Variants in COG6 observed in about 807,000 individuals in gnomAD.
COG6 encodes the protein component of oligomeric golgi complex 6.
Under a neutral mutation model 88.8 loss-of-function variants are expected in COG6, and 74 were observed. The ratio of observed to expected loss-of-function variants is 0.83; its 90% CI spans 0.69 to 1.01. COG6 has a LOEUF of 1.01. Among genes scored for constraint, COG6 ranks in the 50% least tolerant of loss-of-function variants. COG6 has a pLI of 0.00. For synonymous variants in COG6, 286 were observed against 278.7 expected (o/e 1.03, Z -0.26); for missense variants, 800 against 797.9 (o/e 1.00, Z -0.03).
At position 39,662,128 on chromosome 13, in the gene COG6, G is replaced by A. The variant is rs570881627; in HGVS notation, c.369+1247G>A. Among the ~76,000 whole-genome samples the A allele has an allele frequency of 1.7e-4, 23 of 136,798 alleles. 1 individual carries two copies. In the Admixed American group the frequency reaches 1.8e-3, roughly 11 times the overall value. 89.7% of individuals were successfully genotyped at this position (136,798 alleles called of 152,430 possible). ...AATTACAACCAAAGTGTCTCTTTCT[G>A]TTTTGTCCTTTGTATTTTTTTTTTT... On this transcript the variant is annotated intron_variant, in intron 3 of 18. Coordinates refer to ENST00000455146, the MANE Select transcript of COG6 (RefSeq NM_020751.3).
chr13:39,787,061 T>A (rs1314916272), intron 18 of COG6, among the ~76,000 whole-genome samples: 1 of 152,180 alleles, frequency 6.6e-6, no homozygotes, highest in African/African-American at 2.4e-5. Flanking sequence ...GTCTGCTGGT[T>A]CTCTGCCCAT....
At chr13:39,780,842 C>A (rs1881606667) in intron 18 of COG6, among the ~76,000 whole-genome samples, 1 of 152,178 alleles carries the variant, frequency 6.6e-6, no homozygotes, top group South Asian at 2.1e-4. Flanking sequence ...CAAAAATCTG[C>A]ACGAGGAAAG....
At chr13:39,726,934 G>A (rs1016716687) in intron 17 of COG6, among the ~76,000 whole-genome samples, 2 of 151,892 alleles carry the variant, frequency 1.3e-5, no homozygotes, top group East Asian at 1.9e-4. Context: ...TTCCTTAATA[G>A]CATTTAACAA....
At chr13:39,764,727 G>A (rs1317109905) in intron 18 of COG6, among the ~76,000 whole-genome samples, 1 of 151,996 alleles carries the variant, frequency 6.6e-6, no homozygotes, top group Non-Finnish European at 1.5e-5. Context: ...ACCAGAAAAT[G>A]TATTCCTAGT....
intron 18 of COG6, among the ~76,000 whole-genome samples, chr13:39,769,854 T>G (rs1451579347): frequency 6.6e-6 from 1 of 152,176 alleles, no homozygotes; most frequent in Non-Finnish European, 1.5e-5. Context: ...GTCCCATCTT[T>G]GAAGCAGAGA....
chr13:39,742,132 C>G (rs537199292), intron 18 of COG6, among the ~76,000 whole-genome samples: 1 of 152,292 alleles, frequency 6.6e-6, no homozygotes, highest in African/African-American at 2.4e-5. Flanking sequence ...ACAGCCGGTA[C>G]CAGCCACTGC....
chr13:39,655,961 C>A, intron 1 of COG6, 82 bp downstream of exon 1: 1 of 1,502,796 alleles, frequency 6.7e-7, no homozygotes, highest in South Asian at 1.2e-5. Context: ...AGGGACCCAC[C>A]GCGGTCTCCC....
Position 39,743,749 on chromosome 13 carries a change from G to T in COG6, c.1827-7197G>T, listed in dbSNP as rs952182739. ...AAAGAGGGAATCCTCCCTAACTCAT[G>T]TTATGAGGCCAGCATCATCCTGATA... On this transcript the variant is annotated intron_variant, in intron 18 of 18. Transcript: ENST00000455146. Among the ~76,000 whole-genome samples the T allele has an allele frequency of 7.2e-5, 11 of 152,042 alleles. No individual in the cohort carries two copies. In the South Asian group the frequency reaches 1.0e-3, roughly 14 times the overall value.
intron 8 of COG6, among the ~76,000 whole-genome samples, chr13:39,684,551 A>G (rs1319352613): frequency 1.3e-5 from 2 of 152,070 alleles, no homozygotes; most frequent in African/African-American, 4.8e-5. Flanking sequence ...CGCCTGGCCA[A>G]TTTGGAAGAT....
At chr13:39,744,573 G>A (rs929168346) in intron 18 of COG6, among the ~76,000 whole-genome samples, 2 of 152,120 alleles carry the variant, frequency 1.3e-5, no homozygotes, top group African/African-American at 4.8e-5. Flanking sequence ...TCTTCAAGGA[G>A]AACTACAAAC....
intron 10 of COG6, among the ~76,000 whole-genome samples, chr13:39,689,347 T>C (rs74044144): frequency 0.026 from 3,907 of 152,238 alleles, 181 homozygotes; most frequent in African/African-American, 0.089. Context: ...ATATTTTTCA[T>C]CTTTATACCC....
intron 18 of COG6, among the ~76,000 whole-genome samples, chr13:39,782,588 T>C (rs1329814117): frequency 6.6e-6 from 1 of 152,156 alleles, no homozygotes; most frequent in African/African-American, 2.4e-5. Context: ...CAATCTCTCC[T>C]CATTTTCATC....
At chr13:39,663,347 C>T (rs541686671) in intron 3 of COG6, among the ~76,000 whole-genome samples, 12 of 152,140 alleles carry the variant, frequency 7.9e-5, no homozygotes, top group Non-Finnish European at 1.2e-4. Context: ...CCCTCAATAA[C>T]GACTAGCCTA....
rs5803006 is a variant in COG6 at position 39,694,955 on chromosome 13, GCACACA to G, written c.1166+260_1166+265del. ...CTTTTTTCTCCAAGCTTAACTACAC[GCACACA>G]CACACACACACACACACACACACAC... On this transcript the variant is annotated intron_variant, in intron 12 of 18. Coordinates refer to ENST00000455146, the MANE Select transcript of COG6 (RefSeq NM_020751.3). Among the ~76,000 whole-genome samples, 3,996 of 142,612 alleles carry G rather than the reference GCACACA, an allele frequency of 0.028. 55 individuals are homozygous for G. The highest frequency in any genetic ancestry group is 0.042 in the African/African-American group (1,621 of 38,506). The allele number at this position is 142,612 out of a possible 152,430, so 93.6% of individuals were successfully genotyped here.
chr13:39,704,169 CTA>C (rs1877748169), intron 13 of COG6, among the ~76,000 whole-genome samples: 2 of 152,070 alleles, frequency 1.3e-5, no homozygotes, highest in Non-Finnish European at 2.9e-5. Flanking sequence ...TAGTAAGTTT[CTA>C]TATATTTTAT....
intron 12 of COG6, among the ~76,000 whole-genome samples, chr13:39,699,195 AT>A (rs1319716850): frequency 1.3e-5 from 2 of 151,248 alleles, no homozygotes; most frequent in African/African-American, 4.8e-5. Flanking sequence ...ATTTACTCTA[AT>A]AGAGGAAAAA....
intron 13 of COG6, among the ~76,000 whole-genome samples, chr13:39,711,567 A>G (rs1878239803): frequency 6.6e-6 from 1 of 151,988 alleles, no homozygotes; most frequent in Non-Finnish European, 1.5e-5. Context: ...TAGTTTCCTC[A>G]TATATAAAAT....
chr13:39,656,602 TA>T (rs962476469), intron 1 of COG6, among the ~76,000 whole-genome samples: 10 of 152,160 alleles, frequency 6.6e-5, no homozygotes, highest in African/African-American at 1.9e-4. Context: ...CAGTGTAACA[TA>T]AAGAAGAACA....
intron 13 of COG6, among the ~76,000 whole-genome samples, chr13:39,714,883 T>C (rs1478307635): frequency 6.6e-6 from 1 of 152,104 alleles, no homozygotes; most frequent in East Asian, 1.9e-4. Context: ...CATCAACTAA[T>C]CAGTCGATAA....
Sources: gnomAD v4.1 joint callset for allele counts (sites outside exome capture counted in the v4.1 genomes callset) on GRCh38, gnomAD v4.1.1 for gene constraint, MANE v1.5 for transcripts, NCBI Gene and HGNC (gene_info 2026-07-23, HGNC 2026-07-21) for gene names.